Variants in CACNA2D3 observed in about 807,000 individuals in gnomAD.
The protein encoded by CACNA2D3 is calcium voltage-gated channel auxiliary subunit alpha2delta 3.
In CACNA2D3, 60 loss-of-function variants were observed where a neutral mutation model predicts 160.6. The observed-to-expected ratio is 0.37, with a 90% CI of 0.30 to 0.46. The LOEUF (loss-of-function observed/expected upper bound fraction) is 0.46, where lower values mean the gene tolerates loss of function less well. Ranked by LOEUF, CACNA2D3 falls within the 20% of genes least tolerant of loss-of-function variation. The pLI is 1.00. For missense variants in CACNA2D3, 1,205 were observed against 1,365.0 expected (o/e 0.88, Z 1.85); for synonymous variants, 558 against 492.9 (o/e 1.13, Z -1.75).
At chr3:55,072,584 T>G (rs1704835651) in intron 35 of CACNA2D3, among the ~76,000 whole-genome samples, 1 of 152,256 alleles carries the variant, frequency 6.6e-6, no homozygotes, top group African/African-American at 2.4e-5. Context: ...TAAACTGAAT[T>G]TAATGAAATA....
intron 8 of CACNA2D3, among the ~76,000 whole-genome samples, chr3:54,571,612 AGTGTGTGTGTGTGTGTGT>A (rs58652360): frequency 2.9e-4 from 39 of 136,312 alleles, no homozygotes; most frequent in East Asian, 4.4e-4. Flanking sequence ...CACTTAACCA[AGTGTGTGTGTGTGTGTGT>A]GTGTGTGTGT....
At chr3:54,716,702 AAAGT>A (rs1355251033) in intron 11 of CACNA2D3, among the ~76,000 whole-genome samples, 1 of 152,188 alleles carries the variant, frequency 6.6e-6, no homozygotes, top group African/African-American at 2.4e-5. Context: ...TTTAGGAACA[AAAGT>A]AAAGGAGTTT....
chr3:54,495,093 T>C (rs1203004436), intron 4 of CACNA2D3, among the ~76,000 whole-genome samples: 1 of 152,200 alleles, frequency 6.6e-6, no homozygotes, highest in Non-Finnish European at 1.5e-5. Context: ...AGCAGACTGC[T>C]TAAGAGAAGG....
intron 4 of CACNA2D3, among the ~76,000 whole-genome samples, chr3:54,456,805 A>T (rs77381750): frequency 6.6e-6 from 1 of 151,704 alleles, no homozygotes; most frequent in African/African-American, 2.4e-5. Context: ...TGAGTTTTCT[A>T]TTTCTTCTTG....
At chr3:55,016,164 G>T (rs544017970) in intron 34 of CACNA2D3, among the ~76,000 whole-genome samples, 1 of 152,324 alleles carries the variant, frequency 6.6e-6, no homozygotes, top group East Asian at 1.9e-4. Flanking sequence ...ATGACTACCA[G>T]CACTGTACAA....
intron 3 of CACNA2D3, among the ~76,000 whole-genome samples, chr3:54,340,886 C>G (rs1030188405): frequency 6.6e-6 from 1 of 152,234 alleles, no homozygotes. Context: ...GGTCCCCACA[C>G]TCCTCACCAC....
At chr3:55,008,786 T>C (rs2107143851) in intron 33 of CACNA2D3, among the ~76,000 whole-genome samples, 1 of 152,066 alleles carries the variant, frequency 6.6e-6, no homozygotes, top group East Asian at 1.9e-4. Context: ...GGATAATTTA[T>C]ATTATTTTTG....
intron 2 of CACNA2D3, among the ~76,000 whole-genome samples, chr3:54,297,332 G>C (rs534621940): frequency 6.6e-6 from 1 of 152,252 alleles, no homozygotes; most frequent in South Asian, 2.1e-4. Context: ...TAAGCCTAGG[G>C]CTGCTGCAGC....
At chr3:54,196,337 T>C (rs1384637393) in intron 2 of CACNA2D3, among the ~76,000 whole-genome samples, 2 of 152,162 alleles carry the variant, frequency 1.3e-5, no homozygotes, top group Non-Finnish European at 1.5e-5. Context: ...CTTCATCAGA[T>C]GAAGAACCAC....
chr3:54,529,005 C>T (rs957515396), intron 5 of CACNA2D3, among the ~76,000 whole-genome samples: 1 of 152,156 alleles, frequency 6.6e-6, no homozygotes, highest in African/African-American at 2.4e-5. Flanking sequence ...AGGAAAAACA[C>T]CTTTAACCCC....
At chr3:54,601,749 T>C (rs1478058649) in intron 9 of CACNA2D3, among the ~76,000 whole-genome samples, 1 of 151,998 alleles carries the variant, frequency 6.6e-6, no homozygotes, top group Admixed American at 6.6e-5. Flanking sequence ...TACATGAAAC[T>C]TCATGAGCAT....
At chr3:54,962,744 C>G (rs1244153113) in intron 27 of CACNA2D3, among the ~76,000 whole-genome samples, 1 of 152,072 alleles carries the variant, frequency 6.6e-6, no homozygotes, top group African/African-American at 2.4e-5. Context: ...TTTGGATGAG[C>G]TCTCTATGTG....
intron 13 of CACNA2D3, among the ~76,000 whole-genome samples, chr3:54,784,377 TG>T (rs1702594295): frequency 6.6e-6 from 1 of 152,070 alleles, no homozygotes; most frequent in Admixed American, 6.5e-5. Context: ...GCCTCTGGTC[TG>T]AACTTTTGTA....
At chr3:54,138,198 C>A (rs1471885733) in intron 2 of CACNA2D3, among the ~76,000 whole-genome samples, 1 of 152,232 alleles carries the variant, frequency 6.6e-6, no homozygotes, top group Non-Finnish European at 1.5e-5. Context: ...AACATGAAGC[C>A]TGGACTCTCA....
chr3:54,287,788 A>C (rs1703072368), intron 2 of CACNA2D3, among the ~76,000 whole-genome samples: 1 of 149,160 alleles, frequency 6.7e-6, no homozygotes, highest in African/African-American at 2.5e-5. Context: ...AAAACCGCTC[A>C]ACTGCATGGA....
chr3:54,753,279 G>A (rs560378721), intron 12 of CACNA2D3, among the ~76,000 whole-genome samples: 21 of 152,288 alleles, frequency 1.4e-4, no homozygotes, highest in Middle Eastern at 3.4e-3. Context: ...TCAAATATCC[G>A]TATGCTCTCT....
chr3:54,550,503 C>G (rs1433356094), intron 5 of CACNA2D3, among the ~76,000 whole-genome samples: 2 of 152,222 alleles, frequency 1.3e-5, no homozygotes, highest in African/African-American at 2.4e-5. Flanking sequence ...TACCACTTCC[C>G]TATGGTTTCC....
intron 2 of CACNA2D3, among the ~76,000 whole-genome samples, chr3:54,285,855 T>G (rs939796287): frequency 2.6e-5 from 4 of 152,218 alleles, no homozygotes; most frequent in African/African-American, 9.7e-5. Context: ...TCAACAGACC[T>G]GCAGCTGAGG....
chr3:54,175,398 T>C (rs933375852), intron 2 of CACNA2D3, among the ~76,000 whole-genome samples: 1 of 151,686 alleles, frequency 6.6e-6, no homozygotes, highest in African/African-American at 2.4e-5. Flanking sequence ...GGGCGGGTCA[T>C]GAGATCAGGA....
Sources: allele counts gnomAD v4.1 joint callset (sites outside exome capture counted in the v4.1 genomes callset), GRCh38; gene constraint gnomAD v4.1.1; transcripts MANE v1.5; gene names NCBI Gene and HGNC (gene_info 2026-07-23, HGNC 2026-07-21).